Variants in ZNF143 observed in about 807,000 individuals in gnomAD.
The protein encoded by ZNF143 is zinc finger protein 143, also known as SPH-binding factor.
A neutral mutation model predicts 74.1 loss-of-function variants in ZNF143; 49 were observed. The ratio of observed to expected loss-of-function variants is 0.66; its 90% CI spans 0.53 to 0.84. The LOEUF (loss-of-function observed/expected upper bound fraction) is 0.84. Among genes scored for constraint, ZNF143 ranks in the 40% least tolerant of loss-of-function variants. The probability of loss-of-function intolerance (pLI) is 0.00; values close to 1 mark genes in which losing one functional copy is unlikely to be tolerated. For synonymous variants in ZNF143, 304 were observed against 282.8 expected (o/e 1.07, Z -0.75); for missense variants, 637 against 793.4 (o/e 0.80, Z 2.37).
In ZNF143 at chr11:9,509,370, T is replaced by A. The variant is rs374238047; in HGVS notation, c.1375+524T>A. On this transcript the variant is annotated intron_variant, in intron 12 of 15. Transcript: ENST00000396602. ...CACTAGAGAAGTACTCCCAAATAAC[T>A]CTTCATTGATTCAGGTGCTATTAAG... 9.8e-5 allele frequency among the ~76,000 whole-genome samples: 15 copies of A among 152,332 alleles called. No individual in the cohort carries two copies. The South Asian group carries it at 3.1e-3, about 32-fold the overall frequency.
chr11:9,521,652 TG>T (rs1848934438), intron 14 of ZNF143, among the ~76,000 whole-genome samples: 4 of 152,152 alleles, frequency 2.6e-5, no homozygotes, highest in Admixed American at 1.3e-4. Context: ...AAGTTATCTA[TG>T]TTTTTTTGTA....
chr11:9,520,366 C>A (rs1848877857), intron 14 of ZNF143, among the ~76,000 whole-genome samples: 1 of 145,568 alleles, frequency 6.9e-6, no homozygotes, highest in African/African-American at 2.6e-5. Context: ...AGCATGGCAG[C>A]ATATGCCTGT....
chr11:9,466,303 C>CT (rs1236617603), intron 1 of ZNF143, among the ~76,000 whole-genome samples: 10 of 137,206 alleles, frequency 7.3e-5, no homozygotes, highest in East Asian at 6.5e-4. Flanking sequence ...CTTTTCTTTT[C>CT]TTTTTTTTTG....
At chr11:9,525,132 A>G (rs1849078694) in intron 14 of ZNF143, 108 bp from the exon 15 acceptor site, 1 of 1,273,382 alleles carries the variant, frequency 7.9e-7, no homozygotes, top group South Asian at 1.4e-5. Flanking sequence ...TGGTCAGAGG[A>G]GTTTTTCCTT....
chr11:9,520,474 A>C (rs1008374304), intron 14 of ZNF143, among the ~76,000 whole-genome samples: 9 of 152,008 alleles, frequency 5.9e-5, no homozygotes, highest in African/African-American at 2.2e-4. Context: ...CCTGGATGAC[A>C]GAGCAAAACC....
intron 7 of ZNF143, among the ~76,000 whole-genome samples, chr11:9,485,967 AG>A (rs1025853938): frequency 6.6e-6 from 1 of 151,294 alleles, no homozygotes; most frequent in African/African-American, 2.5e-5. Flanking sequence ...AAGCTCTGCC[AG>A]TTAGGTTCCA....
intron 10 of ZNF143, 125 bp from the exon 11 acceptor site, chr11:9,500,966 A>T: frequency 1.7e-6 from 2 of 1,164,972 alleles, no homozygotes; most frequent in Non-Finnish European, 2.4e-6. Context: ...AAAATGCCTG[A>T]AAGGGAAGCT....
intron 14 of ZNF143, among the ~76,000 whole-genome samples, chr11:9,521,010 T>C (rs1236484424): frequency 1.3e-5 from 2 of 152,226 alleles, no homozygotes; most frequent in Non-Finnish European, 1.5e-5. Flanking sequence ...AGAGCTGTTA[T>C]AGGTCACCAC....
chr11:9,506,046 A>C (rs979005618), intron 11 of ZNF143, among the ~76,000 whole-genome samples: 5 of 151,982 alleles, frequency 3.3e-5, no homozygotes, highest in Non-Finnish European at 7.4e-5. Context: ...ATATAGATAG[A>C]GCTTGGCGCA....
intron 14 of ZNF143, among the ~76,000 whole-genome samples, chr11:9,517,974 A>G (rs1848780787): frequency 6.6e-6 from 1 of 152,222 alleles, no homozygotes; most frequent in African/African-American, 2.4e-5. Context: ...TATTCACACT[A>G]TATACACACA....
At position 9,461,072 on chromosome 11, in the gene ZNF143, C is replaced by T. The variant is rs1465461018; in HGVS notation, c.-12C>T. The stretch of plus-strand genomic sequence containing the variant: ...CGAAGGAATTGTTGGAAAATTTTCT[C>T]GGAGGTTCGTATATAAATGTGTTTT... On this transcript the variant is annotated 5_prime_UTR_variant, in exon 1 of 16. Coordinates refer to ENST00000396602, the MANE Select transcript of ZNF143 (RefSeq NM_003442.6). The T allele has an allele frequency of 1.3e-5, 13 of 985,746 alleles. No individual in the cohort carries two copies. Among genetic ancestry groups the T allele is most frequent in the Non-Finnish European group, 1.6e-5 (13 of 830,002 alleles). The allele number at this position is 985,746 out of a possible 1,614,324, so 61.1% of individuals were successfully genotyped here.
At chr11:9,461,145 G>C in intron 1 of ZNF143, 69 bp downstream of exon 1, 1 of 956,664 alleles carries the variant, frequency 1.0e-6, no homozygotes, top group Non-Finnish European at 1.2e-6. Flanking sequence ...TCAGCGCGGC[G>C]GCGCGGGCCC....
At chr11:9,463,206 C>T (rs1443229107) in intron 1 of ZNF143, among the ~76,000 whole-genome samples, 1 of 152,156 alleles carries the variant, frequency 6.6e-6, no homozygotes, top group Non-Finnish European at 1.5e-5. Context: ...GGGTTGTTTC[C>T]ACCCTTTGGC....
intron 13 of ZNF143, among the ~76,000 whole-genome samples, chr11:9,515,070 G>A (rs1332994566): frequency 6.6e-6 from 1 of 152,126 alleles, no homozygotes; most frequent in Non-Finnish European, 1.5e-5. Context: ...AGAGGTTGCG[G>A]TGAGCCGAGA....
At chr11:9,461,393 G>A (rs1416524742) in intron 1 of ZNF143, among the ~76,000 whole-genome samples, 1 of 152,194 alleles carries the variant, frequency 6.6e-6, no homozygotes, top group African/African-American at 2.4e-5. Flanking sequence ...GTGAAAGAGG[G>A]GAGGGTGGAG....
intron 9 of ZNF143, 105 bp downstream of exon 9, chr11:9,496,483 C>T: frequency 1.1e-6 from 1 of 918,046 alleles, no homozygotes; most frequent in East Asian, 2.5e-5. Flanking sequence ...TCTGCAGAAG[C>T]ACATGATCAG....
chr11:9,470,518 G>A (rs1856506148), intron 1 of ZNF143, among the ~76,000 whole-genome samples: 2 of 152,106 alleles, frequency 1.3e-5, no homozygotes, highest in African/African-American at 4.8e-5. Context: ...AATGAATAAT[G>A]AAGATACTGG....
rs771592655 is a variant in ZNF143, at chr11:9,497,668, C to G, written c.842-7C>G. 1.9e-6 allele frequency: 3 copies of G among 1,580,600 alleles called. No homozygotes were observed. Among genetic ancestry groups the G allele is most frequent in the Non-Finnish European group, 2.6e-6 (3 of 1,161,434 alleles). ...GTAATTAAATTTCTTTTAATTTTTT[C>G]TTAAAGGTTATGGATTAAAAAGTCA... is the stretch of plus-strand genomic sequence containing the variant. On this transcript the variant is annotated splice_region_variant and splice_polypyrimidine_tract_variant and intron_variant, in intron 9 of 15. Coordinates refer to ENST00000396602, the MANE Select transcript of ZNF143 (RefSeq NM_003442.6).
chr11:9,481,239 T>C (rs992181959), intron 7 of ZNF143, among the ~76,000 whole-genome samples: 1 of 151,954 alleles, frequency 6.6e-6, no homozygotes, highest in Non-Finnish European at 1.5e-5. Context: ...AATTACAAAA[T>C]TAGCAAGGCA....
Sources: gnomAD v4.1 joint callset for allele counts (sites outside exome capture counted in the v4.1 genomes callset) on GRCh38, gnomAD v4.1.1 for gene constraint, MANE v1.5 for transcripts, NCBI Gene and HGNC (gene_info 2026-07-23, HGNC 2026-07-21) for gene names.